The following WWC2 variants were observed in gnomAD, a reference collection of about 807,000 sequenced individuals.
WWC2 encodes protein WWC2.
WWC2 carries 101 observed loss-of-function variants against 138.5 expected under a neutral mutation model. That is an observed-to-expected ratio of 0.73 (90% CI 0.62 to 0.86). The LOEUF (loss-of-function observed/expected upper bound fraction) is 0.86. Ranked by LOEUF, WWC2 falls within the 40% of genes least tolerant of loss-of-function variation. The pLI is 0.00. For synonymous variants in WWC2, 558 were observed against 538.4 expected (o/e 1.04, Z -0.50); for missense variants, 1,420 against 1,419.4 (o/e 1.00, Z -0.01).
chr4:183,285,702 A>T lies in WWC2; in HGVS notation c.3049-265A>T, dbSNP rs547042034. 6.6e-5 allele frequency among the ~76,000 whole-genome samples: 10 copies of T among 152,174 alleles called. No homozygotes were observed. In the East Asian group the frequency reaches 1.9e-3, roughly 30 times the overall value. ...GTGAACCCAGGTGGCAGAGGTTGCAATGAGCCGAGATCACGCCACTGCACT... is the reference window on the plus strand; with the variant it reads ...GTGAACCCAGGTGGCAGAGGTTGCATTGAGCCGAGATCACGCCACTGCACT... On this transcript the variant is annotated intron_variant, in intron 19 of 22. Transcript: ENST00000403733.
At chr4:183,100,227 T>C (rs555425378) in intron 1 of WWC2, among the ~76,000 whole-genome samples, 4 of 152,372 alleles carry the variant, frequency 2.6e-5, no homozygotes, top group South Asian at 4.1e-4. Flanking sequence ...CTGTCTGTCG[T>C]TAGTCTTCAC....
Position 183,225,813 on chromosome 4 carries a change from T to A in WWC2, c.523-14370T>A, listed in dbSNP as rs1330686714. 2.0e-5 allele frequency among the ~76,000 whole-genome samples: 3 copies of A among 152,302 alleles called. No individual in the cohort carries two copies. The East Asian group carries it at 5.8e-4, about 29-fold the overall frequency. ...AAACAAAACAAACAAAAGTAACTGCTCTCATGGAGCTTATGCTGTATTGGG... is the reference window on the plus strand; with the variant it reads ...AAACAAAACAAACAAAAGTAACTGCACTCATGGAGCTTATGCTGTATTGGG... On this transcript the variant is annotated intron_variant, in intron 4 of 22. Coordinates refer to ENST00000403733, the MANE Select transcript of WWC2 (RefSeq NM_024949.6).
At chr4:183,275,135 T>C (rs568082429) in intron 16 of WWC2, among the ~76,000 whole-genome samples, 1 of 138,242 alleles carries the variant, frequency 7.2e-6, no homozygotes, top group Non-Finnish European at 1.6e-5. Flanking sequence ...CATTTTTAAG[T>C]GTTTGTTGCA....
In WWC2 at chr4:183,278,539, A is replaced by T. The variant is rs554361675; in HGVS notation, c.2563-2237A>T. On this transcript the variant is annotated intron_variant, in intron 16 of 22. Transcript: ENST00000403733. ...GAAAGGCATTGGTAGCTTGATGGGG[A>T]TGGCATTGAATCTGTAAATTACCTT... 1.7e-3 allele frequency among the ~76,000 whole-genome samples: 261 copies of T among 152,064 alleles called. 5 individuals are homozygous for T. The highest frequency in any genetic ancestry group is 5.9e-3 in the African/African-American group (245 of 41,428).
chr4:183,133,047 C>T (rs546048010), intron 1 of WWC2, among the ~76,000 whole-genome samples: 120 of 144,474 alleles, frequency 8.3e-4, no homozygotes, highest in African/African-American at 3.2e-3. Flanking sequence ...CTTTTCCCTT[C>T]CCTTTTTTCC....
At chr4:183,189,969 A>G (rs1462480186) in intron 1 of WWC2, among the ~76,000 whole-genome samples, 3 of 152,226 alleles carry the variant, frequency 2.0e-5, no homozygotes, top group African/African-American at 2.4e-5. Context: ...AAAGAATGAT[A>G]TAATGCCAGC....
rs911782623 is a variant in WWC2, at chr4:183,317,075, C to T, written c.*1346C>T. 6.6e-6 allele frequency: 1 copy of T among 151,826 alleles called. No homozygotes were observed. Among genetic ancestry groups the T allele is most frequent in the African/African-American group, 2.4e-5 (1 of 41,322 alleles). The allele number at this position is 151,826 out of a possible 1,614,324, so 9.4% of individuals were successfully genotyped here. A position where few individuals can be genotyped will look rare whatever the true frequency, so the allele number is the denominator to read the frequency against. ...TTAAACCATACTTATTACTCAATAA[C>T]CCAAGAAACAATTTTGGGTTAGCCA... On this transcript the variant is annotated 3_prime_UTR_variant, in exon 23 of 23. Coordinates refer to ENST00000403733, the MANE Select transcript of WWC2 (RefSeq NM_024949.6).
At chr4:183,278,733 T>C (rs148284924) in intron 16 of WWC2, among the ~76,000 whole-genome samples, 7,410 of 152,136 alleles carry the variant, frequency 0.049, 233 homozygotes, top group South Asian at 0.079. Flanking sequence ...TTATTCTGTT[T>C]GAAGCAATTG....
intron 2 of WWC2, among the ~76,000 whole-genome samples, chr4:183,198,612 A>G (rs781320396): frequency 1.3e-5 from 2 of 151,888 alleles, no homozygotes; most frequent in Non-Finnish European, 2.9e-5. Context: ...AATTCTTTTG[A>G]TAATAGAACT....
intron 15 of WWC2, 104 bp downstream of exon 15, chr4:183,269,267 C>T: frequency 9.0e-7 from 1 of 1,114,526 alleles, no homozygotes; most frequent in Non-Finnish European, 1.3e-6. Context: ...TCACTACAGA[C>T]CTGCCCAACA....
intron 1 of WWC2, among the ~76,000 whole-genome samples, chr4:183,148,623 A>G (rs1163123070): frequency 6.6e-6 from 1 of 152,192 alleles, no homozygotes; most frequent in Non-Finnish European, 1.5e-5. Flanking sequence ...AAATGATTGT[A>G]TGTCTTCGCT....
intron 1 of WWC2, among the ~76,000 whole-genome samples, chr4:183,153,101 C>CT (rs1466293124): frequency 6.6e-6 from 1 of 152,070 alleles, no homozygotes; most frequent in East Asian, 1.9e-4. Context: ...GACAGAGTTT[C>CT]TTTATGTTGC....
At chr4:183,212,060 A>T (rs747748058) in intron 4 of WWC2, among the ~76,000 whole-genome samples, 14 of 152,090 alleles carry the variant, frequency 9.2e-5, no homozygotes, top group Non-Finnish European at 1.9e-4. Flanking sequence ...TGACCTCATA[A>T]TCTGCCCACC....
At chr4:183,268,295 T>C (rs898312189) in intron 14 of WWC2, among the ~76,000 whole-genome samples, 12 of 152,210 alleles carry the variant, frequency 7.9e-5, no homozygotes, top group Admixed American at 7.2e-4. Flanking sequence ...ATACAATGTG[T>C]GCTCAGAAGA....
intron 21 of WWC2, among the ~76,000 whole-genome samples, chr4:183,301,894 T>G (rs1324045851): frequency 6.6e-6 from 1 of 152,200 alleles, no homozygotes; most frequent in African/African-American, 2.4e-5. Flanking sequence ...GTGTTAGTGT[T>G]ATTTGAAAGA....
intron 1 of WWC2, among the ~76,000 whole-genome samples, chr4:183,132,598 C>T (rs558326820): frequency 1.5e-4 from 23 of 151,868 alleles, no homozygotes; most frequent in East Asian, 7.8e-4. Context: ...GGACTACAGG[C>T]GCCCGCTACC....
At chr4:183,143,967 AG>A (rs1475181639) in intron 1 of WWC2, among the ~76,000 whole-genome samples, 2 of 152,248 alleles carry the variant, frequency 1.3e-5, no homozygotes, top group Non-Finnish European at 2.9e-5. Context: ...TTGATATTCC[AG>A]AATGAACTCT....
chr4:183,099,752 C>G, intron 1 of WWC2, 130 bp downstream of exon 1: 2 of 972,154 alleles, frequency 2.1e-6, no homozygotes, highest in Non-Finnish European at 2.6e-6. Context: ...GGATGTGGGG[C>G]TGGCTGCTCC....
intron 9 of WWC2, 74 bp from the exon 10 acceptor site, chr4:183,259,565 A>G (rs1207440457): frequency 3.5e-6 from 4 of 1,155,658 alleles, no homozygotes; most frequent in Non-Finnish European, 4.9e-6. Context: ...ATGTTTGTAC[A>G]ATGAGAATCT....
Sources: gnomAD v4.1 joint callset for allele counts (sites outside exome capture counted in the v4.1 genomes callset) on GRCh38, gnomAD v4.1.1 for gene constraint, MANE v1.5 for transcripts, NCBI Gene and HGNC (gene_info 2026-07-23, HGNC 2026-07-21) for gene names.